Variants in DAB1 observed in about 807,000 individuals in gnomAD.
DAB1 encodes the protein DAB adaptor protein 1, also known as disabled homolog 1.
Under a neutral mutation model 64.6 loss-of-function variants are expected in DAB1, and 15 were observed. The ratio of observed to expected loss-of-function variants is 0.23; its 90% CI spans 0.16 to 0.36. The LOEUF is 0.36. DAB1 is among the 10% of genes least tolerant of loss of function. The probability of loss-of-function intolerance (pLI) is 1.00; values close to 1 mark genes in which losing one functional copy is unlikely to be tolerated. For synonymous variants in DAB1, 235 were observed against 251.9 expected (o/e 0.93, Z 0.64); for missense variants, 596 against 706.7 (o/e 0.84, Z 1.78).
intron 5 of DAB1, among the ~76,000 whole-genome samples, chr1:57,929,356 T>C (rs1218903548): frequency 6.6e-6 from 1 of 152,238 alleles, no homozygotes; most frequent in Non-Finnish European, 1.5e-5. Context: ...TGTTCATAAA[T>C]GGATATTTAT....
chr1:58,080,659 G>C (rs1452081885), intron 5 of DAB1, among the ~76,000 whole-genome samples: 5 of 152,216 alleles, frequency 3.3e-5, no homozygotes, highest in African/African-American at 1.2e-4. Flanking sequence ...CACTGTCGTA[G>C]AATTTTAGCA....
At position 57,949,634 on chromosome 1, in the gene DAB1, T is replaced by C. The variant is rs561994052; in HGVS notation, n.388-65472A>G. 2.6e-5 allele frequency among the ~76,000 whole-genome samples: 4 copies of C among 152,328 alleles called. No individual in the cohort carries two copies. In the East Asian group the frequency reaches 7.7e-4, roughly 29 times the overall value. On this transcript the variant is annotated intron_variant and non_coding_transcript_variant, in intron 5 of 20. Transcript: ENST00000485760. ...TAGATTTTCTTGTTTTTATACTTTA[T>C]GAAAATGGAATCCTACTGTATGTGG...
At chr1:58,223,144 C>T (rs568538045) in intron 4 of DAB1, among the ~76,000 whole-genome samples, 74 of 152,346 alleles carry the variant, frequency 4.9e-4, no homozygotes, top group African/African-American at 1.7e-3. Flanking sequence ...AGGGCTGGCA[C>T]ACTCTCCATG....
chr1:57,449,740 G>A (rs985199493), intron 7 of DAB1, among the ~76,000 whole-genome samples: 1 of 151,926 alleles, frequency 6.6e-6, no homozygotes, highest in Non-Finnish European at 1.5e-5. Flanking sequence ...CAATTATTTT[G>A]GTATCTTTAG....
chr1:57,420,487 A>G (rs1044401332), intron 1 of DAB1, among the ~76,000 whole-genome samples: 11 of 152,272 alleles, frequency 7.2e-5, no homozygotes, highest in Non-Finnish European at 5.9e-5. Context: ...GCTTAGAAGC[A>G]TTCCTGACTC....
chr1:58,213,129 T>C (rs1012185444), intron 4 of DAB1, among the ~76,000 whole-genome samples: 4 of 152,136 alleles, frequency 2.6e-5, no homozygotes, highest in African/African-American at 7.2e-5. Flanking sequence ...AAAAGGTCAA[T>C]GTGATCTGAT....
chr1:57,143,924 G>A (rs997962828), intron 3 of DAB1, among the ~76,000 whole-genome samples: 4 of 150,424 alleles, frequency 2.7e-5, no homozygotes, highest in African/African-American at 9.8e-5. Flanking sequence ...ATATGTATAT[G>A]TATATATATA....
chr1:57,739,266 T>C (rs1054361688), intron 6 of DAB1, among the ~76,000 whole-genome samples: 2 of 152,044 alleles, frequency 1.3e-5, no homozygotes, highest in Admixed American at 1.3e-4. Flanking sequence ...TTCAGAACAA[T>C]ACCTGTGTGA....
intron 5 of DAB1, among the ~76,000 whole-genome samples, chr1:57,927,160 C>T (rs930885186): frequency 1.3e-5 from 2 of 152,138 alleles, no homozygotes; most frequent in Admixed American, 6.5e-5. Context: ...AGCATTACAC[C>T]CATGACAGTT....
At chr1:57,167,588 C>T (rs1661323457) in intron 2 of DAB1, among the ~76,000 whole-genome samples, 1 of 152,224 alleles carries the variant, frequency 6.6e-6, no homozygotes, top group Non-Finnish European at 1.5e-5. Context: ...CTGAGCTCTA[C>T]ATCCACCGTT....
chr1:57,451,954 T>A (rs898915483), intron 7 of DAB1, among the ~76,000 whole-genome samples: 3 of 152,194 alleles, frequency 2.0e-5, no homozygotes, highest in Non-Finnish European at 4.4e-5. Flanking sequence ...CACAAAGTGC[T>A]TTATAATTTA....
chr1:57,396,785 A>C (rs1264492936), intron 1 of DAB1, among the ~76,000 whole-genome samples: 1 of 152,220 alleles, frequency 6.6e-6, no homozygotes. Context: ...GAGCCTGACT[A>C]TAAGAACTTG....
At chr1:58,223,675 C>T (rs990190982) in intron 4 of DAB1, among the ~76,000 whole-genome samples, 2 of 152,028 alleles carry the variant, frequency 1.3e-5, no homozygotes, top group Non-Finnish European at 2.9e-5. Flanking sequence ...AGGTGGGGAT[C>T]GGGGAGGCAG....
chr1:57,652,280 C>A (rs558416345), intron 6 of DAB1, among the ~76,000 whole-genome samples: 1 of 152,242 alleles, frequency 6.6e-6, no homozygotes, highest in African/African-American at 2.4e-5. Context: ...TGTGACCTCA[C>A]CTGTGACCAG....
intron 2 of DAB1, among the ~76,000 whole-genome samples, chr1:57,246,269 C>T (rs1484414796): frequency 6.6e-6 from 1 of 151,758 alleles, no homozygotes; most frequent in Non-Finnish European, 1.5e-5. Flanking sequence ...ACCCGCTGCC[C>T]CCTGCTCTGT....
At chr1:58,403,684 G>A (rs1373499702) in intron 3 of DAB1, among the ~76,000 whole-genome samples, 1 of 152,188 alleles carries the variant, frequency 6.6e-6, no homozygotes, top group African/African-American at 2.4e-5. Context: ...ACGGGGTTGT[G>A]AGGATGAACT....
chr1:57,276,627 T>G (rs986548162), intron 2 of DAB1, among the ~76,000 whole-genome samples: 3 of 152,206 alleles, frequency 2.0e-5, no homozygotes, highest in African/African-American at 7.2e-5. Context: ...CACGGGAGGA[T>G]AGGGTAGGAT....
intron 1 of DAB1, among the ~76,000 whole-genome samples, chr1:57,352,584 T>C (rs1436512559): frequency 6.6e-6 from 1 of 152,102 alleles, no homozygotes; most frequent in South Asian, 2.1e-4. Context: ...ACCTCCATTT[T>C]ACAGACCAAG....
At chr1:57,382,282 G>T (rs1681445487) in intron 1 of DAB1, among the ~76,000 whole-genome samples, 2 of 152,144 alleles carry the variant, frequency 1.3e-5, no homozygotes, top group Non-Finnish European at 2.9e-5. Flanking sequence ...CACAGACTGA[G>T]CCCCTGACCA....
Sources: allele counts gnomAD v4.1 joint callset (sites outside exome capture counted in the v4.1 genomes callset), GRCh38; gene constraint gnomAD v4.1.1; transcripts MANE v1.5; gene names NCBI Gene and HGNC (gene_info 2026-07-23, HGNC 2026-07-21).